Variants in NEK7 observed in about 807,000 individuals in gnomAD.
The protein encoded by NEK7 is serine/threonine-protein kinase Nek7.
Under a neutral mutation model 44.6 loss-of-function variants are expected in NEK7, and 18 were observed. The ratio of observed to expected loss-of-function variants is 0.40; its 90% CI spans 0.28 to 0.60. NEK7 has a LOEUF of 0.60. NEK7 is among the 20% of genes least tolerant of loss of function. The pLI, the probability that NEK7 is intolerant of heterozygous loss-of-function variation, is 0.38. For missense variants in NEK7, 256 were observed against 366.5 expected, an observed-to-expected ratio of 0.70 and a Z score of 2.46; for synonymous variants, 130 against 121.1, an observed-to-expected ratio of 1.07 and a Z score of -0.48.
chr1:198,278,463 GTAAT>G lies in NEK7; in HGVS notation c.481+396_481+399del, dbSNP rs1037481724. Among the ~76,000 whole-genome samples the G allele has an allele frequency of 2.8e-4, 42 of 149,918 alleles. 2 individuals carry two copies. Among genetic ancestry groups the G allele is most frequent in the African/African-American group, 9.8e-4 (39 of 39,628 alleles). On this transcript the variant is annotated intron_variant, in intron 6 of 9. Coordinates refer to ENST00000367385, the MANE Select transcript of NEK7 (RefSeq NM_133494.3). ...GAGTGTGTTAACATTACATCAATAA[GTAAT>G]TGATCCGCTGATACTGAAGTGTGAA...
At position 198,303,785 on chromosome 1, in the gene NEK7, A is replaced by G. The variant is rs192644385; in HGVS notation, c.798+6545A>G. Among the ~76,000 whole-genome samples the G allele has an allele frequency of 2.8e-3, 422 of 152,290 alleles. 5 individuals are homozygous for G. The highest frequency in any genetic ancestry group is 7.8e-4 in the Non-Finnish European group (53 of 67,998). ...ATAATGTCTGAAGGTAATTCTGTAC[A>G]AATATTTCTGCAGTCTCTGCAACCA... On this transcript the variant is annotated intron_variant, in intron 9 of 9. Coordinates refer to ENST00000367385, the MANE Select transcript of NEK7 (RefSeq NM_133494.3).
intron 9 of NEK7, among the ~76,000 whole-genome samples, chr1:198,300,571 G>A (rs1279287717): frequency 6.6e-6 from 1 of 152,200 alleles, no homozygotes; most frequent in African/African-American, 2.4e-5. Flanking sequence ...TCCCTTGGCA[G>A]TTACGCCATG....
chr1:198,207,210 G>T (rs985571927), intron 1 of NEK7: 1 of 151,958 alleles, frequency 6.6e-6, no homozygotes, highest in East Asian at 1.9e-4. Context: ...GAACATCGCC[G>T]AGACCACAAA....
intron 2 of NEK7, among the ~76,000 whole-genome samples, chr1:198,248,349 A>G (rs1179401266): frequency 1.3e-5 from 2 of 152,242 alleles, no homozygotes; most frequent in East Asian, 3.9e-4. Flanking sequence ...GATTGAATGA[A>G]TAAGTCCATG....
chr1:198,307,218 A>G (rs1655044883), intron 9 of NEK7, among the ~76,000 whole-genome samples: 1 of 152,150 alleles, frequency 6.6e-6, no homozygotes, highest in Non-Finnish European at 1.5e-5. Flanking sequence ...TCCTCACAGA[A>G]GACAAAGTTT....
At chr1:198,211,395 T>G (rs1257462882) in intron 1 of NEK7, among the ~76,000 whole-genome samples, 1 of 152,226 alleles carries the variant, frequency 6.6e-6, no homozygotes, top group Non-Finnish European at 1.5e-5. Flanking sequence ...CACAATTCTC[T>G]TTTCCATTGA....
At chr1:198,310,774 C>T (rs1655158281) in intron 9 of NEK7, among the ~76,000 whole-genome samples, 1 of 152,058 alleles carries the variant, frequency 6.6e-6, no homozygotes, top group African/African-American at 2.4e-5. Flanking sequence ...TTTCTGAGGG[C>T]TCTGTTCTGT....
chr1:198,248,769 TAGC>T (rs987808516), intron 2 of NEK7, among the ~76,000 whole-genome samples: 5 of 152,114 alleles, frequency 3.3e-5, no homozygotes, highest in African/African-American at 7.2e-5. Flanking sequence ...AGAAAAGAAA[TAGC>T]AGAGAAATAC....
At chr1:198,257,862 A>G (rs770013583) in intron 3 of NEK7, among the ~76,000 whole-genome samples, 45 of 152,326 alleles carry the variant, frequency 3.0e-4, no homozygotes, top group Non-Finnish European at 5.3e-4. Flanking sequence ...TTAAACTACT[A>G]TATGGCAGAC....
rs968799495 is a variant in NEK7 at position 198,261,274 on chromosome 1, A to G, written c.199-1301A>G. ...TTTGTGACAGCCTGGCTCATTGAGA[A>G]AACACTGACTATGGAGCTAGAACAA... On this transcript the variant is annotated intron_variant, in intron 3 of 9. Coordinates refer to ENST00000367385, the MANE Select transcript of NEK7 (RefSeq NM_133494.3). Among the ~76,000 whole-genome samples, 16 of 151,984 alleles carry G rather than the reference A, an allele frequency of 1.1e-4. 1 individual carries two copies. Among genetic ancestry groups the G allele is most frequent in the Non-Finnish European group, 2.9e-5 (2 of 67,894 alleles).
At chr1:198,241,338 A>G (rs1181292520) in intron 2 of NEK7, among the ~76,000 whole-genome samples, 2 of 152,256 alleles carry the variant, frequency 1.3e-5, no homozygotes, top group African/African-American at 2.4e-5. Context: ...TCACATTCAT[A>G]TAGAATACAT....
intron 2 of NEK7, among the ~76,000 whole-genome samples, chr1:198,244,886 A>G (rs4989465): frequency 0.34 from 51,119 of 151,904 alleles, 9,846 homozygotes; most frequent in East Asian, 0.8. Flanking sequence ...ATGTATATAC[A>G]TAATTGACCC....
chr1:198,240,795 A>C (rs994359284), intron 2 of NEK7, among the ~76,000 whole-genome samples: 1 of 152,142 alleles, frequency 6.6e-6, no homozygotes, highest in African/African-American at 2.4e-5. Flanking sequence ...ACCTGGGTTT[A>C]AGCGATTCTC....
chr1:198,306,815 T>G (rs1376254459), intron 9 of NEK7, among the ~76,000 whole-genome samples: 1 of 152,158 alleles, frequency 6.6e-6, no homozygotes, highest in Non-Finnish European at 1.5e-5. Flanking sequence ...AAAAGACTTT[T>G]GCAACTTATT....
At chr1:198,270,377 A>T (rs1444248321) in intron 5 of NEK7, among the ~76,000 whole-genome samples, 1 of 152,038 alleles carries the variant, frequency 6.6e-6, no homozygotes, top group Non-Finnish European at 1.5e-5. Flanking sequence ...AACAAAATGT[A>T]ACCTAATGTT....
chr1:198,241,407 A>G (rs1257534497), intron 2 of NEK7, among the ~76,000 whole-genome samples: 2 of 152,196 alleles, frequency 1.3e-5, no homozygotes, highest in Non-Finnish European at 2.9e-5. Context: ...ACAAGTAAAT[A>G]GAGGAGGAGG....
At chr1:198,232,690 T>G (rs1666433573) in intron 2 of NEK7, 53 bp downstream of exon 2, 1 of 1,050,564 alleles carries the variant, frequency 9.5e-7, no homozygotes, top group Admixed American at 1.9e-5. Context: ...GTGTTAAATA[T>G]GTGTAAGAAA....
chr1:198,277,109 T>C (rs750108218), intron 5 of NEK7, among the ~76,000 whole-genome samples: 1 of 151,830 alleles, frequency 6.6e-6, no homozygotes, highest in Non-Finnish European at 1.5e-5. Flanking sequence ...TGGTCATTTA[T>C]AGGTATTGTT....
At chr1:198,228,329 C>T (rs1274786419) in intron 1 of NEK7, among the ~76,000 whole-genome samples, 10 of 152,138 alleles carry the variant, frequency 6.6e-5, no homozygotes, top group Non-Finnish European at 1.0e-4. Flanking sequence ...TCTTTTGGCT[C>T]AGGACTGACT....
Sources: gnomAD v4.1 joint callset for allele counts (sites outside exome capture counted in the v4.1 genomes callset) on GRCh38, gnomAD v4.1.1 for gene constraint, MANE v1.5 for transcripts, NCBI Gene and HGNC (gene_info 2026-07-23, HGNC 2026-07-21) for gene names.